NUBPL: variants seen among roughly 807,000 people sequenced by gnomAD.
The protein encoded by NUBPL is iron-sulfur cluster transfer protein NUBPL.
In NUBPL, 31 loss-of-function variants were observed where a neutral mutation model predicts 45.7. The observed-to-expected ratio is 0.68, with a 90% CI of 0.51 to 0.92. The LOEUF (loss-of-function observed/expected upper bound fraction) is 0.92. Among genes scored for constraint, NUBPL ranks in the 40% least tolerant of loss-of-function variants. NUBPL has a pLI of 0.00. For synonymous variants in NUBPL, 144 were observed against 140.9 expected (o/e 1.02, Z -0.15); for missense variants, 401 against 398.7 (o/e 1.01, Z -0.05).
chr14:31,671,092 T>C (rs2036559823), intron 4 of NUBPL, among the ~76,000 whole-genome samples: 1 of 152,224 alleles, frequency 6.6e-6, no homozygotes, highest in Non-Finnish European at 1.5e-5. Flanking sequence ...TATTGATTCT[T>C]CCTATCCATG....
chr14:31,562,093 T>G lies in NUBPL; in HGVS notation c.134T>G (p.Leu45Arg), dbSNP rs773674321. Residue 45 changes from leucine (L) to arginine (R), a missense_variant, in exon 2 of 11, where the codon CTA becomes CGA. Leu to Arg is a moderately radical substitution (Grantham distance 102, BLOSUM62 -2). Transcript: ENST00000281081. ...TTGTCTGGCGCCGGGAGTGAGACCC[T>G]AAAACAAAGAAGAACACAAATCATG... ...RQLSGAGSET[L>R]KQRRTQIMSR... 2 of 1,608,604 alleles carry G rather than the reference T, an allele frequency of 1.2e-6. No individual in the cohort carries two copies. The highest frequency in any genetic ancestry group is 1.1e-5 in the South Asian group (1 of 90,476).
At chr14:31,580,766 C>A (rs1437190023) in intron 3 of NUBPL, among the ~76,000 whole-genome samples, 1 of 152,254 alleles carries the variant, frequency 6.6e-6, no homozygotes, top group East Asian at 1.9e-4. Flanking sequence ...GAGGTAGAAT[C>A]AACTTGGATT....
intron 10 of NUBPL, among the ~76,000 whole-genome samples, chr14:31,853,121 G>GTTTT (rs2040565958): frequency 8.1e-6 from 1 of 122,762 alleles, no homozygotes; most frequent in South Asian, 2.7e-4. Flanking sequence ...TGTTTTGTTT[G>GTTTT]AGACAGGATC....
intron 4 of NUBPL, among the ~76,000 whole-genome samples, chr14:31,667,632 T>C (rs1460720857): frequency 1.3e-5 from 2 of 152,124 alleles, no homozygotes; most frequent in African/African-American, 4.8e-5. Flanking sequence ...GAAGAGGCAT[T>C]CTGGTTTTTG....
chr14:31,563,007 T>C (rs561043403), intron 2 of NUBPL: 1 of 153,368 alleles, frequency 6.5e-6, no homozygotes, highest in East Asian at 1.9e-4. Context: ...GTATTTGTGG[T>C]GGATCACTAA....
intron 4 of NUBPL, among the ~76,000 whole-genome samples, chr14:31,649,103 C>T (rs553186948): frequency 5.9e-5 from 9 of 152,328 alleles, no homozygotes; most frequent in African/African-American, 1.7e-4. Flanking sequence ...GCCAATGCTC[C>T]TGGCCCCAAG....
chr14:31,731,846 TAAAG>T (rs2038054713), intron 6 of NUBPL, among the ~76,000 whole-genome samples: 1 of 152,086 alleles, frequency 6.6e-6, no homozygotes, highest in Admixed American at 6.6e-5. Flanking sequence ...ATGTATAACA[TAAAG>T]GAAGGATGGA....
Position 31,673,558 on chromosome 14 carries a change from A to G in NUBPL, c.497A>G (p.Glu166Gly). 3.7e-6 allele frequency: 6 copies of G among 1,613,804 alleles called. No homozygotes were observed. Among genetic ancestry groups the G allele is most frequent in the Non-Finnish European group, 4.2e-6 (5 of 1,179,792 alleles). Residue 166 changes from glutamate (E) to glycine (G), a missense_variant, in exon 6 of 11, where the codon GAG (glutamate) becomes GGG (glycine). Coordinates refer to ENST00000281081, the MANE Select transcript of NUBPL (RefSeq NM_025152.3). ...GGCCTTATGGTAATGTCGGCCATTG[A>G]GAAATTGTTGAGGCAGGTAAGAATA... ...WRGLMVMSAI[E>G]KLLRQVDWGQ...
intron 6 of NUBPL, among the ~76,000 whole-genome samples, chr14:31,727,741 A>G (rs2139967659): frequency 6.6e-6 from 1 of 152,284 alleles, no homozygotes; most frequent in Non-Finnish European, 1.5e-5. Flanking sequence ...TTTTGTTTAA[A>G]TCCAAATAGC....
At chr14:31,832,144 C>G (rs1392545115) in intron 8 of NUBPL, among the ~76,000 whole-genome samples, 1 of 152,138 alleles carries the variant, frequency 6.6e-6, no homozygotes, top group African/African-American at 2.4e-5. Context: ...AGTACTATTA[C>G]AGTAGATGAA....
intron 6 of NUBPL, among the ~76,000 whole-genome samples, chr14:31,694,068 G>A (rs1159228348): frequency 1.3e-5 from 2 of 151,826 alleles, no homozygotes; most frequent in Non-Finnish European, 1.5e-5. Flanking sequence ...TGTTAGCCAG[G>A]GTGGTCTTGA....
At chr14:31,733,430 G>C (rs1458056855) in intron 6 of NUBPL, among the ~76,000 whole-genome samples, 4 of 152,092 alleles carry the variant, frequency 2.6e-5, no homozygotes, top group African/African-American at 9.7e-5. Flanking sequence ...AATTTTGAGA[G>C]AATTGCCATC....
At chr14:31,652,787 A>T (rs1344031386) in intron 4 of NUBPL, among the ~76,000 whole-genome samples, 1 of 152,190 alleles carries the variant, frequency 6.6e-6, no homozygotes, top group Non-Finnish European at 1.5e-5. Context: ...TTTCCTTCAT[A>T]GCACTAGTTT....
At chr14:31,623,641 T>A (rs569217904) in intron 4 of NUBPL, among the ~76,000 whole-genome samples, 2 of 152,330 alleles carry the variant, frequency 1.3e-5, no homozygotes, top group African/African-American at 4.8e-5. Context: ...GCTTCTGCTA[T>A]GATTGTAAGT....
At chr14:31,793,260 C>T (rs1251312407) in intron 7 of NUBPL, among the ~76,000 whole-genome samples, 1 of 152,068 alleles carries the variant, frequency 6.6e-6, no homozygotes, top group African/African-American at 2.4e-5. Flanking sequence ...CTTTTACTTT[C>T]CAGAATATGT....
intron 7 of NUBPL, among the ~76,000 whole-genome samples, chr14:31,813,281 C>A (rs1255967192): frequency 6.6e-6 from 1 of 151,978 alleles, no homozygotes; most frequent in Non-Finnish European, 1.5e-5. Flanking sequence ...GCCACCGTGC[C>A]CAGCCAGCTC....
At chr14:31,817,297 G>A (rs2039937544) in intron 7 of NUBPL, among the ~76,000 whole-genome samples, 1 of 151,954 alleles carries the variant, frequency 6.6e-6, no homozygotes, top group Admixed American at 6.6e-5. Context: ...AACAAGACAG[G>A]CCAACATTCA....
At chr14:31,813,514 T>C (rs1313228167) in intron 7 of NUBPL, among the ~76,000 whole-genome samples, 3 of 151,052 alleles carry the variant, frequency 2.0e-5, no homozygotes, top group African/African-American at 7.3e-5. Flanking sequence ...CAGATATATA[T>C]ATATACACAC....
At chr14:31,791,543 G>A (rs2039382443) in intron 7 of NUBPL, among the ~76,000 whole-genome samples, 1 of 152,068 alleles carries the variant, frequency 6.6e-6, no homozygotes. Flanking sequence ...CACTAATTTT[G>A]TATATAAATT....
Sources: gnomAD v4.1 joint callset for allele counts (sites outside exome capture counted in the v4.1 genomes callset) on GRCh38, gnomAD v4.1.1 for gene constraint, MANE v1.5 for transcripts, NCBI Gene and HGNC (gene_info 2026-07-23, HGNC 2026-07-21) for gene names.